Variants in SPTBN5 observed in about 807,000 individuals in gnomAD.
SPTBN5 encodes spectrin beta chain, non-erythrocytic 5.
SPTBN5 carries 513 observed loss-of-function variants against 477.6 expected under a neutral mutation model. The observed-to-expected ratio is 1.07, with a 90% CI of 1.00 to 1.16. The LOEUF (loss-of-function observed/expected upper bound fraction) is 1.16. Among genes scored for constraint, SPTBN5 ranks in the 50% most tolerant of loss-of-function variants. The pLI is 0.00. For missense variants in SPTBN5, 5,062 were observed against 4,731.8 expected (o/e 1.07, Z -2.05); for synonymous variants, 2,169 against 2,011.7 (o/e 1.08, Z -2.09).
intron 23 of SPTBN5, 49 bp from the exon 24 acceptor site, chr15:41,874,527 A>G (rs1309056095): frequency 6.8e-7 from 1 of 1,467,110 alleles, no homozygotes; most frequent in South Asian, 1.3e-5. Context: ...GAGTGAGCAC[A>G]AGGCTCCTGG....
chr15:41,851,693 G>A, intron 63 of SPTBN5, 86 bp downstream of exon 63: 1 of 1,026,722 alleles, frequency 9.7e-7, no homozygotes, highest in Non-Finnish European at 1.5e-6. Context: ...ACAGTGCAAG[G>A]GTGCCAGGCC....
At chr15:41,853,219 TCCCCAGCCCAA>T in intron 59 of SPTBN5, 28 bp downstream of exon 59, 1 of 1,553,092 alleles carries the variant, frequency 6.4e-7, no homozygotes, top group Non-Finnish European at 8.8e-7. Context: ...TCAGGCTGTA[TCCCCAGCCCAA>T]CCCCAGGCCC....
At chr15:41,893,774 C>T in intron 1 of SPTBN5, 125 bp downstream of exon 1, 1 of 561,754 alleles carries the variant, frequency 1.8e-6, no homozygotes, top group Non-Finnish European at 3.2e-6. Flanking sequence ...CTGCCAGGTC[C>T]CTCCACCACA....
At chr15:41,867,892 G>A (rs1214117895) in intron 34 of SPTBN5, among the ~76,000 whole-genome samples, 177 bp downstream of exon 34, 2 of 152,268 alleles carry the variant, frequency 1.3e-5, no homozygotes, top group African/African-American at 4.8e-5. Flanking sequence ...GGCTGGGGAT[G>A]TCAGTGGACG....
At chr15:41,859,032 G>A in intron 47 of SPTBN5, 52 bp from the exon 48 acceptor site, 4 of 1,411,664 alleles carry the variant, frequency 2.8e-6, no homozygotes, top group Non-Finnish European at 3.7e-6. Context: ...GGCCAGGTGG[G>A]GTGCCCGTCC....
In SPTBN5 at chr15:41,856,575, G is replaced by C. The variant is rs774315082; in HGVS notation, c.8832C>G (p.Ser2944Arg). 6.3e-7 allele frequency: 1 copy of C among 1,593,222 alleles called. No homozygotes were observed. Among genetic ancestry groups the C allele is most frequent in the African/African-American group, 1.3e-5 (1 of 74,686 alleles). ...GCACCACCCGGGTCAGAGCCTCGTG[G>C]CTGCTCATCTCACTCTCCAGGTTCT... ...QHQNLESEMS[S>R]HEALTRVVLG... Residue 2944 changes from serine (S) to arginine (R), a missense_variant, in exon 53 of 68, where the codon AGC becomes AGG. Ser to Arg is a moderately radical substitution (Grantham distance 110). Coordinates refer to ENST00000320955, the MANE Select transcript of SPTBN5 (RefSeq NM_016642.4).
chr15:41,866,665 G>A (rs574137479), intron 36 of SPTBN5, 172 bp from the exon 37 acceptor site: 107 of 851,434 alleles, frequency 1.3e-4, no homozygotes, highest in African/African-American at 1.2e-3. Context: ...GGAGGCAGCC[G>A]GGCAGGGCCT....
chr15:41,886,220 C>T lies in SPTBN5; in HGVS notation c.1035G>A (p.Leu345=), dbSNP rs751791317. 2.5e-5 allele frequency: 40 copies of T among 1,612,994 alleles called. No homozygotes were observed. The highest frequency in any genetic ancestry group is 4.0e-5 in the African/African-American group (3 of 74,962). The change falls in exon 7 of 68, where the codon CTG becomes CTA. Residue 345 remains leucine (L), a synonymous_variant. Transcript: ENST00000320955. The part of the protein sequence containing the change: ...PDSLPAMRQL[L]AAFTIFRTQE... ...GGGTGCGGAAGATGGTGAATGCTGC[C>T]AGTAGCTGCCGCATGGCGGGCAGCG...
chr15:41,887,285 G>T lies in SPTBN5; in HGVS notation c.816C>A (p.Thr272=). 6.4e-7 allele frequency: 1 copy of T among 1,551,358 alleles called. No individual in the cohort carries two copies. The highest frequency in any genetic ancestry group is 8.7e-7 in the Non-Finnish European group (1 of 1,147,006). ...AGTAGTGGTAGTAGAGGGAGACGTA[G>T]GTCATGATAGAGCGCTCATCTGGCT... ...AAQPDERSIM[T]YVSLYYHYCS... is the part of the protein sequence containing the mutation. Residue 272 remains threonine, a synonymous_variant, in exon 6 of 68, where the codon ACC becomes ACA. Transcript: ENST00000320955.
rs1448215041 is a variant in SPTBN5 at position 41,874,849 on chromosome 15, G to A, written c.4495C>T (p.Leu1499Phe). The change falls in exon 23 of 68, where the codon CTC (leucine) becomes TTC (phenylalanine). Residue 1499 changes from leucine to phenylalanine, a missense_variant. Coordinates refer to ENST00000320955, the MANE Select transcript of SPTBN5 (RefSeq NM_016642.4). The part of the protein sequence containing the change: ...PAILEETQKH[L>F]RRLELLQGHL... ...TGGGAGGACAGACCCCACCTCCGGA[G>A]GTGCTTCTGGGTCTCTTCCAGGATG... 1 of 1,604,368 alleles carries A rather than the reference G, an allele frequency of 6.2e-7. No homozygotes were observed. The highest frequency in any genetic ancestry group is 8.5e-7 in the Non-Finnish European group (1 of 1,173,610).
chr15:41,877,904 C>T (rs1308165374), intron 17 of SPTBN5, among the ~76,000 whole-genome samples: 1 of 152,184 alleles, frequency 6.6e-6, no homozygotes, highest in Non-Finnish European at 1.5e-5. Context: ...CAGCCCATAA[C>T]GTCATCCCTG....
In SPTBN5 at chr15:41,857,624, C is replaced by A. The variant is rs781664441; in HGVS notation, c.8313G>T (p.Glu2771Asp). Residue 2771 changes from glutamate to aspartate, a missense_variant, in exon 50 of 68, where the codon GAG becomes GAT. By Grantham distance (45) the Glu-to-Asp change is conservative (BLOSUM62 2). Coordinates refer to ENST00000320955, the MANE Select transcript of SPTBN5 (RefSeq NM_016642.4). Reference protein sequence around the residue: ...RLEELGALWGELQDNSQKKVA... With the variant: ...RLEELGALWGDLQDNSQKKVA... ...CCTTCTTCTGGGAGTTGTCTTGCAG[C>A]TCACCCCAGAGTGCTCCCAGCTCCT... 52 of 1,605,024 alleles carry A rather than the reference C, an allele frequency of 3.2e-5. No individual in the cohort carries two copies. The highest frequency in any genetic ancestry group is 3.6e-5 in the Non-Finnish European group (42 of 1,176,040).
At chr15:41,852,065 G>C (rs1228167549) in intron 62 of SPTBN5, 117 bp downstream of exon 62, 9 of 1,307,062 alleles carry the variant, frequency 6.9e-6, no homozygotes, top group Non-Finnish European at 9.4e-6. Context: ...CAGCTCCTGT[G>C]CCCGGGCTCC....
At chr15:41,859,025 C>G in intron 47 of SPTBN5, 45 bp from the exon 48 acceptor site, 1 of 1,441,272 alleles carries the variant, frequency 6.9e-7, no homozygotes, top group Non-Finnish European at 9.2e-7. Flanking sequence ...CCCCCGGGGC[C>G]AGGTGGGGTG....
Position 41,882,603 on chromosome 15 carries a change from G to A in SPTBN5, c.2028C>T (p.Gly676=). ...CTGACACCTTGTGTTTCTGCAGGGC[G>A]CCTGCGATCTGGCTGAGATCCCGGC... ...ALGRDLSQIA[G]ALQKHKALEA... Residue 676 remains glycine, a synonymous_variant, in exon 10 of 68, where the codon GGC becomes GGT. Coordinates refer to ENST00000320955, the MANE Select transcript of SPTBN5 (RefSeq NM_016642.4). The A allele has an allele frequency of 6.2e-7, 1 of 1,603,436 alleles. No homozygotes were observed. Among genetic ancestry groups the A allele is most frequent in the Non-Finnish European group, 8.5e-7 (1 of 1,176,272 alleles).
rs769040035 is a variant in SPTBN5, at chr15:41,873,824, C to T, written c.4890+21G>A. 3 of 1,607,720 alleles carry T rather than the reference C, an allele frequency of 1.9e-6. No homozygotes were observed. In the South Asian group the frequency reaches 3.3e-5, roughly 18 times the overall value. ...CCCTGACTTCTGCCTCTTCCCCCAA[C>T]CCCACCTCTCTGCATCCTACCTGCT... On this transcript the variant is annotated intron_variant, in intron 25 of 67. Coordinates refer to ENST00000320955, the MANE Select transcript of SPTBN5 (RefSeq NM_016642.4).
chr15:41,871,725 C>T (rs2066543017), intron 28 of SPTBN5, 57 bp downstream of exon 28: 4 of 1,452,812 alleles, frequency 2.8e-6, no homozygotes, highest in Non-Finnish European at 3.6e-6. Flanking sequence ...GAGCCAGCTT[C>T]CCCACCCCAT....
intron 21 of SPTBN5, 67 bp downstream of exon 21, chr15:41,876,047 G>T: frequency 6.5e-7 from 1 of 1,539,930 alleles, no homozygotes; most frequent in East Asian, 2.3e-5. Flanking sequence ...CATGAAAACA[G>T]GTGGTGCAGT....
Position 41,885,367 on chromosome 15 carries a change from T to G in SPTBN5, c.1520+368A>C, listed in dbSNP as rs183758604. ...TTTTTATTACCACATGCTATGAATT[T>G]TTCTTATATGTCTGTTTTCCTTAGT... On this transcript the variant is annotated intron_variant, in intron 7 of 67. Transcript: ENST00000320955. Among the ~76,000 whole-genome samples the G allele has an allele frequency of 8.1e-4, 124 of 152,302 alleles. 3 individuals carry two copies. In the East Asian group the frequency reaches 0.019, roughly 23 times the overall value.
Sources: allele counts gnomAD v4.1 joint callset (sites outside exome capture counted in the v4.1 genomes callset), GRCh38; gene constraint gnomAD v4.1.1; transcripts MANE v1.5; gene names NCBI Gene and HGNC (gene_info 2026-07-23, HGNC 2026-07-21).